Variants in COP1 observed in about 807,000 individuals in gnomAD.
COP1 encodes the protein E3 ubiquitin-protein ligase COP1.
In COP1, 24 loss-of-function variants were observed where a neutral mutation model predicts 101.3. The observed-to-expected ratio is 0.24, with a 90% CI of 0.17 to 0.33. The LOEUF (loss-of-function observed/expected upper bound fraction) is 0.33, where lower values mean the gene tolerates loss of function less well. Ranked by LOEUF, COP1 falls within the 10% of genes least tolerant of loss-of-function variation. COP1 has a pLI of 1.00. For synonymous variants in COP1, 347 were observed against 341.9 expected (o/e 1.01, Z -0.17); for missense variants, 663 against 906.2 (o/e 0.73, Z 3.45).
intron 11 of COP1, among the ~76,000 whole-genome samples, chr1:176,076,709 T>A (rs1678085507): frequency 6.6e-6 from 1 of 151,718 alleles, no homozygotes. Context: ...TAAGCAAGAC[T>A]GATAAACCAC....
intron 5 of COP1, among the ~76,000 whole-genome samples, chr1:176,160,595 A>G (rs12134984): frequency 0.066 from 9,975 of 152,212 alleles, 450 homozygotes; most frequent in Non-Finnish European, 0.087. Context: ...AAACAACCCC[A>G]TCGAAAAGTG....
At chr1:175,994,380 AT>A (rs1659534430) in intron 15 of COP1, among the ~76,000 whole-genome samples, 1 of 152,120 alleles carries the variant, frequency 6.6e-6, no homozygotes, top group African/African-American at 2.4e-5. Context: ...ACAGGATCAA[AT>A]TCACACATAA....
intron 9 of COP1, among the ~76,000 whole-genome samples, chr1:176,098,251 A>G (rs1234739275): frequency 6.6e-6 from 1 of 152,190 alleles, no homozygotes; most frequent in Non-Finnish European, 1.5e-5. Flanking sequence ...TAATTAAAAC[A>G]ATTTACCAGG....
chr1:175,989,936 G>A (rs143650797), intron 15 of COP1, among the ~76,000 whole-genome samples: 3 of 152,082 alleles, frequency 2.0e-5, no homozygotes, highest in East Asian at 1.9e-4. Flanking sequence ...TCTGCACTCC[G>A]ATAAGATCAC....
At chr1:176,052,835 T>A (rs1217566494) in intron 11 of COP1, among the ~76,000 whole-genome samples, 3 of 152,176 alleles carry the variant, frequency 2.0e-5, no homozygotes, top group Non-Finnish European at 2.9e-5. Flanking sequence ...GATTTGCACT[T>A]GCTTTTCTCC....
intron 10 of COP1, among the ~76,000 whole-genome samples, chr1:176,083,481 A>C (rs982339542): frequency 6.6e-6 from 1 of 152,200 alleles, no homozygotes; most frequent in Non-Finnish European, 1.5e-5. Context: ...GTTACAAAAA[A>C]GGTAGAATTT....
intron 18 of COP1, among the ~76,000 whole-genome samples, chr1:175,963,220 A>C (rs999078056): frequency 6.6e-6 from 1 of 152,126 alleles, no homozygotes; most frequent in Non-Finnish European, 1.5e-5. Context: ...TTAGGCATTT[A>C]ATGCCTACAG....
intron 11 of COP1, among the ~76,000 whole-genome samples, chr1:176,064,131 G>A (rs934458545): frequency 1.3e-5 from 2 of 151,986 alleles, no homozygotes; most frequent in Non-Finnish European, 1.5e-5. Context: ...GTCAAATTTG[G>A]CCCATGGTCC....
intron 11 of COP1, 122 bp from the exon 12 acceptor site, chr1:176,046,446 T>C (rs1384113364): frequency 7.1e-6 from 6 of 841,204 alleles, no homozygotes; most frequent in South Asian, 3.4e-5. Context: ...CTAGACCTCA[T>C]ATCCAGATTA....
At chr1:176,181,617 C>A (rs1034199437) in intron 2 of COP1, among the ~76,000 whole-genome samples, 1 of 151,788 alleles carries the variant, frequency 6.6e-6, no homozygotes, top group Admixed American at 6.6e-5. Context: ...CCGAGGCGGG[C>A]GGATCACAAG....
At chr1:176,031,927 G>A (rs1668710371) in intron 14 of COP1, among the ~76,000 whole-genome samples, 1 of 152,120 alleles carries the variant, frequency 6.6e-6, no homozygotes, top group Non-Finnish European at 1.5e-5. Context: ...CAAAAATAGA[G>A]AACAAGATAT....
At position 176,088,996 on chromosome 1, in the gene COP1, C is replaced by CAA. The variant is rs71129551; in HGVS notation, c.1027-3108_1027-3107dup. Among the ~76,000 whole-genome samples, 1,336 of 139,096 alleles carry CAA rather than the reference C, an allele frequency of 9.6e-3. 40 individuals are homozygous for CAA. The highest frequency in any genetic ancestry group is 0.018 in the African/African-American group (639 of 35,488). 91.3% of individuals were successfully genotyped at this position (139,096 alleles called of 152,430 possible). A position where few individuals can be genotyped will look rare whatever the true frequency, so the allele number is the denominator to read the frequency against. ...GGCAACAAGAGCAAAACTCAGTCTC[C>CAA]AAAAAAAAAAAAAAAATCTATTTAG... is the stretch of plus-strand genomic sequence containing the variant. On this transcript the variant is annotated intron_variant, in intron 9 of 19. Transcript: ENST00000367669.
intron 15 of COP1, among the ~76,000 whole-genome samples, chr1:175,998,708 C>G (rs562679616): frequency 1.3e-5 from 2 of 151,986 alleles, no homozygotes; most frequent in East Asian, 3.9e-4. Flanking sequence ...ATGATTTTAC[C>G]TTTCTGGTGT....
intron 2 of COP1, among the ~76,000 whole-genome samples, chr1:176,178,505 T>C (rs2101959441): frequency 6.6e-6 from 1 of 151,252 alleles, no homozygotes; most frequent in South Asian, 2.1e-4. Flanking sequence ...AAACAAAAAA[T>C]CAGCAAGTTC....
chr1:176,047,715 TTAA>T (rs1266842052), intron 11 of COP1, among the ~76,000 whole-genome samples: 2 of 152,068 alleles, frequency 1.3e-5, no homozygotes, highest in African/African-American at 4.8e-5. Flanking sequence ...CACAGAACAG[TTAA>T]TGATTAATGA....
intron 15 of COP1, among the ~76,000 whole-genome samples, chr1:175,995,802 G>A (rs1354411218): frequency 3.3e-5 from 5 of 152,112 alleles, no homozygotes; most frequent in African/African-American, 7.2e-5. Flanking sequence ...ATTCACAGCC[G>A]AATTCTACCA....
At chr1:175,952,197 G>A (rs778006449) in intron 18 of COP1, among the ~76,000 whole-genome samples, 8 of 152,098 alleles carry the variant, frequency 5.3e-5, no homozygotes, top group South Asian at 2.1e-4. Context: ...CATGGCAGGC[G>A]GATCGCCTGA....
rs763930245 is a variant in COP1, at chr1:176,136,336, C to T, written c.891+152G>A. Reference sequence around the variant, plus strand: ...CAAGTGTTCAGAATGTTTTTTTCTACAAAAATTCATCCTCAATTGAAATGA... The same window carrying T: ...CAAGTGTTCAGAATGTTTTTTTCTATAAAAATTCATCCTCAATTGAAATGA... On this transcript the variant is annotated intron_variant, in intron 7 of 19. Transcript: ENST00000367669. 38 of 433,210 alleles carry T rather than the reference C, an allele frequency of 8.8e-5. No homozygotes were observed. The Middle Eastern group carries it at 4.7e-3, about 53-fold the overall frequency. The allele number at this position is 433,210 out of a possible 1,614,324, so 26.8% of individuals were successfully genotyped here.
At chr1:176,165,361 C>CGTGTGTGTGTGTGTGTGTGTGT (rs34291468) in intron 3 of COP1, among the ~76,000 whole-genome samples, 12 of 132,144 alleles carry the variant, frequency 9.1e-5, no homozygotes, top group South Asian at 2.5e-4. Flanking sequence ...AGATGTGTGT[C>CGTGTGTGTGTGTGTGTGTGTGT]GTGTGTGTGT....
Sources: allele counts gnomAD v4.1 joint callset (sites outside exome capture counted in the v4.1 genomes callset), GRCh38; gene constraint gnomAD v4.1.1; transcripts MANE v1.5; gene names NCBI Gene and HGNC (gene_info 2026-07-23, HGNC 2026-07-21).